The following NCKAP5 variants were observed in gnomAD, a reference collection of about 807,000 sequenced individuals.
NCKAP5 encodes the protein NCK associated protein 5, also known as nck-associated protein 5.
Under a neutral mutation model 167.0 loss-of-function variants are expected in NCKAP5, and 92 were observed. That is an observed-to-expected ratio of 0.55 (90% CI 0.47 to 0.66). The LOEUF (loss-of-function observed/expected upper bound fraction) is 0.66, where lower values mean the gene tolerates loss of function less well. Ranked by LOEUF, NCKAP5 falls within the 30% of genes least tolerant of loss-of-function variation. The pLI, the probability that NCKAP5 is intolerant of heterozygous loss-of-function variation, is 0.00. For missense variants in NCKAP5, 2,378 were observed against 2,315.0 expected, an observed-to-expected ratio of 1.03 and a Z score of -0.56; for synonymous variants, 891 against 877.4, an observed-to-expected ratio of 1.02 and a Z score of -0.27.
At chr2:133,202,595 C>A (rs892957336) in intron 5 of NCKAP5, among the ~76,000 whole-genome samples, 2 of 152,120 alleles carry the variant, frequency 1.3e-5, no homozygotes, top group African/African-American at 4.8e-5. Flanking sequence ...TCAGAGTGAA[C>A]AGGCAACCTG....
chr2:132,842,375 T>C lies in NCKAP5; in HGVS notation c.807+18117A>G, dbSNP rs148430312. Among the ~76,000 whole-genome samples the C allele has an allele frequency of 4.5e-4, 69 of 152,246 alleles. 1 individual carries two copies. The highest frequency in any genetic ancestry group is 1.3e-3 in the African/African-American group (56 of 41,564). On this transcript the variant is annotated intron_variant, in intron 11 of 19. Transcript: ENST00000409261. ...TATTTTAATAAACTTTTTGGGAATA[T>C]ACATACATATATATACACACACATA...
chr2:133,068,048 G>A (rs1343930958), intron 6 of NCKAP5, among the ~76,000 whole-genome samples: 1 of 152,128 alleles, frequency 6.6e-6, no homozygotes, highest in African/African-American at 2.4e-5. Context: ...CCAGAGAGAG[G>A]TAGCTATCTT....
In NCKAP5 at chr2:132,860,627, C is replaced by G. The variant is rs752381216; in HGVS notation, c.688-16G>C. 1 of 1,557,284 alleles carries G rather than the reference C, an allele frequency of 6.4e-7. No individual in the cohort carries two copies. The highest frequency in any genetic ancestry group is 1.9e-5 in the Admixed American group (1 of 51,444). On this transcript the variant is annotated splice_polypyrimidine_tract_variant and intron_variant, in intron 10 of 19. Coordinates refer to ENST00000409261, the MANE Select transcript of NCKAP5 (RefSeq NM_207363.3). Reference sequence around the variant, plus strand: ...CTCTTAGATCCTACAACAAACACATCGAAGGAGGAAAAAGTCCATAACTGA... The same window carrying G: ...CTCTTAGATCCTACAACAAACACATGGAAGGAGGAAAAAGTCCATAACTGA...
chr2:133,673,902 C>A, the NCKAP5 span, among the ~76,000 whole-genome samples: 2 of 152,214 alleles, frequency 1.3e-5, no homozygotes, highest in East Asian at 3.8e-4. Context: ...AGATAGGGAA[C>A]AATCAGGAAC....
chr2:133,572,109 AAG>A (rs1688889035), upstream of NCKAP5, among the ~76,000 whole-genome samples: 1 of 152,236 alleles, frequency 6.6e-6, no homozygotes, highest in Non-Finnish European at 1.5e-5. Context: ...TGATTACACA[AAG>A]AGTCAGTGGC....
chr2:132,970,791 GA>G (rs2076809506), intron 7 of NCKAP5, among the ~76,000 whole-genome samples: 1 of 152,098 alleles, frequency 6.6e-6, no homozygotes, highest in Admixed American at 6.5e-5. Flanking sequence ...CAAAGTTCTG[GA>G]ACGCATCAAG....
the NCKAP5 span, among the ~76,000 whole-genome samples, chr2:133,664,478 C>T: frequency 6.6e-6 from 1 of 152,124 alleles, no homozygotes; most frequent in Non-Finnish European, 1.5e-5. Flanking sequence ...GGCTATTTCA[C>T]CTAGATTGAA....
At chr2:132,940,065 C>A (rs150166057) in intron 8 of NCKAP5, among the ~76,000 whole-genome samples, 172 of 152,204 alleles carry the variant, frequency 1.1e-3, no homozygotes, top group African/African-American at 3.9e-3. Context: ...TCTGAGTTCC[C>A]AAAGTCCATT....
chr2:133,425,363 G>A (rs922184500), intron 3 of NCKAP5, among the ~76,000 whole-genome samples: 2 of 152,224 alleles, frequency 1.3e-5, no homozygotes, highest in African/African-American at 4.8e-5. Flanking sequence ...GTCTGAGGCA[G>A]AGCCAGTCAG....
intron 2 of NCKAP5, among the ~76,000 whole-genome samples, chr2:133,547,029 C>T (rs1269796601): frequency 5.9e-5 from 9 of 152,072 alleles, no homozygotes; most frequent in Non-Finnish European, 8.8e-5. Context: ...GCGCACCGTG[C>T]GCGAGCTGAA....
At chr2:133,457,981 A>T (rs1691962099) in intron 3 of NCKAP5, among the ~76,000 whole-genome samples, 1 of 152,170 alleles carries the variant, frequency 6.6e-6, no homozygotes. Context: ...AGCCTTGATG[A>T]TAGGTCTCTG....
chr2:133,047,278 A>G (rs2079435209), intron 6 of NCKAP5, among the ~76,000 whole-genome samples: 1 of 152,218 alleles, frequency 6.6e-6, no homozygotes, highest in African/African-American at 2.4e-5. Context: ...ACCTCTGGAT[A>G]AACGAGTCTC....
intron 6 of NCKAP5, among the ~76,000 whole-genome samples, chr2:133,013,314 G>C (rs1024196317): frequency 6.6e-6 from 1 of 152,196 alleles, no homozygotes; most frequent in Non-Finnish European, 1.5e-5. Flanking sequence ...ACCTTTGGTA[G>C]TGTATTAGTC....
chr2:132,920,771 G>GTATGTATGTATGTGTGTGTATATA (rs1553479343), intron 8 of NCKAP5, among the ~76,000 whole-genome samples: 4 of 31,580 alleles, frequency 1.3e-4, no homozygotes, highest in African/African-American at 4.4e-4. Context: ...ATATATGTAT[G>GTATGTATGTATGTGTGTGTATATA]TATATATATA....
chr2:133,578,451 A>G, the NCKAP5 span, among the ~76,000 whole-genome samples: 2 of 152,222 alleles, frequency 1.3e-5, no homozygotes, highest in African/African-American at 4.8e-5. Flanking sequence ...GTCGGGGAGC[A>G]GGAAGCCTCC....
chr2:132,944,743 G>C (rs1249726922), intron 8 of NCKAP5, among the ~76,000 whole-genome samples: 1 of 152,174 alleles, frequency 6.6e-6, no homozygotes, highest in Non-Finnish European at 1.5e-5. Context: ...TCCTGAAAGA[G>C]CGACATTTTG....
intron 6 of NCKAP5, among the ~76,000 whole-genome samples, chr2:133,010,465 G>T (rs915950753): frequency 2.0e-5 from 3 of 152,124 alleles, no homozygotes; most frequent in African/African-American, 7.2e-5. Flanking sequence ...TCAAGATAAT[G>T]CTCCTCCAAT....
intron 6 of NCKAP5, among the ~76,000 whole-genome samples, chr2:133,084,666 G>A (rs1236353024): frequency 6.6e-6 from 1 of 152,098 alleles, no homozygotes; most frequent in Non-Finnish European, 1.5e-5. Context: ...TCTCACCTCT[G>A]CCTTTCAACT....
chr2:133,671,230 A>G, the NCKAP5 span, among the ~76,000 whole-genome samples: 2 of 151,464 alleles, frequency 1.3e-5, no homozygotes, highest in Non-Finnish European at 2.9e-5. Flanking sequence ...AAAAAAAAAA[A>G]AAAAAAAAAG....
Sources: allele counts gnomAD v4.1 joint callset (sites outside exome capture counted in the v4.1 genomes callset), GRCh38; gene constraint gnomAD v4.1.1; transcripts MANE v1.5; gene names NCBI Gene and HGNC (gene_info 2026-07-23, HGNC 2026-07-21).